The following STK32B variants were observed in gnomAD, a reference collection of about 807,000 sequenced individuals.
The protein encoded by STK32B is serine/threonine kinase 32B.
Under a neutral mutation model 52.6 loss-of-function variants are expected in STK32B, and 43 were observed. The ratio of observed to expected loss-of-function variants is 0.82; its 90% confidence interval spans 0.64 to 1.05. STK32B has a LOEUF of 1.05. Among genes scored for constraint, STK32B ranks in the 50% least tolerant of loss-of-function variants. STK32B has a pLI of 0.00. For missense variants in STK32B, 621 were observed against 534.6 expected, an observed-to-expected ratio of 1.16 and a Z score of -1.59; for synonymous variants, 238 against 204.3, an observed-to-expected ratio of 1.17 and a Z score of -1.41.
Position 5,168,324 on chromosome 4 carries a change from C to T in STK32B, c.134C>T (p.Thr45Ile), listed in dbSNP as rs1377864060. Residue 45 changes from threonine (T) to isoleucine (I), a missense_variant, in exon 3 of 12, where the codon ACT becomes ATT. Transcript: ENST00000282908. ...GKVCIVQKRDTKKMYAMKYMN... is the reference protein window; with the variant it reads ...GKVCIVQKRDIKKMYAMKYMN... Reference sequence around the variant, plus strand: ...GTATGCATCGTGCAGAAGCGAGACACTAAGAAAATGTATGCAATGAAGTAC... The same window carrying T: ...GTATGCATCGTGCAGAAGCGAGACATTAAGAAAATGTATGCAATGAAGTAC... 7 of 1,613,922 alleles carry T rather than the reference C, an allele frequency of 4.3e-6. No individual in the cohort carries two copies. The highest frequency in any genetic ancestry group is 5.9e-6 in the Non-Finnish European group (7 of 1,179,972).
At chr4:5,203,761 C>T (rs1722338385) in intron 3 of STK32B, among the ~76,000 whole-genome samples, 1 of 152,294 alleles carries the variant, frequency 6.6e-6, no homozygotes, top group Admixed American at 6.5e-5. Context: ...CATTCCTTTG[C>T]TTCCGTGTGC....
chr4:5,324,082 G>A (rs964796467), intron 3 of STK32B, among the ~76,000 whole-genome samples: 2 of 152,236 alleles, frequency 1.3e-5, no homozygotes, highest in African/African-American at 2.4e-5. Context: ...GGCCGGGCAC[G>A]GCAGCTCACA....
At chr4:5,412,083 T>C (rs1380878571) in intron 5 of STK32B, among the ~76,000 whole-genome samples, 1 of 152,182 alleles carries the variant, frequency 6.6e-6, no homozygotes, top group African/African-American at 2.4e-5. Context: ...AATTTCCATG[T>C]GTTCAAAGAA....
At chr4:5,281,792 T>A (rs1253867347) in intron 3 of STK32B, among the ~76,000 whole-genome samples, 1 of 152,122 alleles carries the variant, frequency 6.6e-6, no homozygotes, top group African/African-American at 2.4e-5. Flanking sequence ...AGGACATAAT[T>A]GAGGTGAAAC....
At chr4:5,180,458 G>A (rs527901447) in intron 3 of STK32B, among the ~76,000 whole-genome samples, 1 of 152,284 alleles carries the variant, frequency 6.6e-6, no homozygotes, top group East Asian at 1.9e-4. Flanking sequence ...GGGACATGAA[G>A]CCAGGCTGTC....
At chr4:5,111,293 CA>C (rs1374797790) in intron 1 of STK32B, among the ~76,000 whole-genome samples, 1 of 152,040 alleles carries the variant, frequency 6.6e-6, no homozygotes, top group African/African-American at 2.4e-5. Context: ...AATTATTACA[CA>C]AAAAAGACAC....
At chr4:5,096,150 A>G (rs934609187) in intron 1 of STK32B, among the ~76,000 whole-genome samples, 3 of 152,240 alleles carry the variant, frequency 2.0e-5, no homozygotes, top group African/African-American at 7.2e-5. Flanking sequence ...CACAGGGAGC[A>G]TGTGCTGTAA....
chr4:5,493,320 G>T (rs1276392517), intron 11 of STK32B, among the ~76,000 whole-genome samples: 2 of 152,162 alleles, frequency 1.3e-5, no homozygotes, highest in East Asian at 3.8e-4. Flanking sequence ...GGGTGTATGT[G>T]TTGAGGAATT....
rs1714564421 is a variant in STK32B at position 5,440,061 on chromosome 4, G to A, written c.563-6612G>A. On this transcript the variant is annotated intron_variant, in intron 6 of 11. Coordinates refer to ENST00000282908, the MANE Select transcript of STK32B (RefSeq NM_018401.3). ...GTGATGCCTCCAGCTTTGTTCTTTT[G>A]GCTTAGGATTGACTTGGCGATGCGG... is the stretch of plus-strand genomic sequence containing the variant. Among the ~76,000 whole-genome samples the A allele has an allele frequency of 2.0e-5, 3 of 151,922 alleles. No homozygotes were observed. The South Asian group carries it at 6.2e-4, about 32-fold the overall frequency.
intron 2 of STK32B, among the ~76,000 whole-genome samples, chr4:5,163,682 A>G: frequency 6.6e-6 from 1 of 152,074 alleles, no homozygotes; most frequent in East Asian, 1.9e-4. Context: ...GCAGGCTTTA[A>G]GTCTTTGATT....
intron 3 of STK32B, among the ~76,000 whole-genome samples, chr4:5,281,595 C>A (rs1219231007): frequency 6.6e-6 from 1 of 152,002 alleles, no homozygotes; most frequent in Non-Finnish European, 1.5e-5. Flanking sequence ...TATCCCAGAA[C>A]TTAAAATTTA....
At chr4:5,423,852 G>T (rs1184335159) in intron 6 of STK32B, among the ~76,000 whole-genome samples, 2 of 152,166 alleles carry the variant, frequency 1.3e-5, no homozygotes, top group Admixed American at 6.5e-5. Context: ...AGGGCTCCAT[G>T]CTCCACAGAG....
At chr4:5,264,536 C>T (rs1368069331) in intron 3 of STK32B, among the ~76,000 whole-genome samples, 1 of 152,062 alleles carries the variant, frequency 6.6e-6, no homozygotes, top group African/African-American at 2.4e-5. Flanking sequence ...CCTGTAATCC[C>T]AGCACTTTGG....
At chr4:5,043,400 T>C in the STK32B span, among the ~76,000 whole-genome samples, 6 of 152,268 alleles carry the variant, frequency 3.9e-5, no homozygotes, top group Non-Finnish European at 7.3e-5. Context: ...ATATTTATTA[T>C]GTATTATTCT....
At chr4:5,318,438 A>G (rs1196196350) in intron 3 of STK32B, among the ~76,000 whole-genome samples, 1 of 152,162 alleles carries the variant, frequency 6.6e-6, no homozygotes, top group Non-Finnish European at 1.5e-5. Flanking sequence ...CCTGGAACAG[A>G]AAGAAGAATG....
chr4:5,345,411 A>G (rs1733387353), intron 4 of STK32B: 1 of 152,148 alleles, frequency 6.6e-6, no homozygotes, highest in South Asian at 2.1e-4. Flanking sequence ...TAATTTTAAA[A>G]TGTTAACTCA....
At chr4:5,131,312 C>A (rs141661283) in intron 1 of STK32B, among the ~76,000 whole-genome samples, 24 of 152,344 alleles carry the variant, frequency 1.6e-4, no homozygotes, top group African/African-American at 5.5e-4. Flanking sequence ...AGGCTGAGAT[C>A]GCTGTACAAT....
chr4:5,413,284 C>G (rs1241544072), intron 5 of STK32B, among the ~76,000 whole-genome samples: 1 of 152,128 alleles, frequency 6.6e-6, no homozygotes, highest in Non-Finnish European at 1.5e-5. Context: ...CTAGCAGTAG[C>G]AAGGAACAAA....
At chr4:5,498,798 C>G (rs572780669) in intron 11 of STK32B, 147 bp from the exon 12 acceptor site, 28 of 1,225,738 alleles carry the variant, frequency 2.3e-5, no homozygotes, top group Non-Finnish European at 1.5e-5. Context: ...TGCACAGCAC[C>G]GTGGATGCCT....
Sources: gnomAD v4.1 joint callset for allele counts (sites outside exome capture counted in the v4.1 genomes callset) on GRCh38, gnomAD v4.1.1 for gene constraint, MANE v1.5 for transcripts, NCBI Gene and HGNC (gene_info 2026-07-23, HGNC 2026-07-21) for gene names.